Variants in LPIN2 observed in about 807,000 individuals in gnomAD.
LPIN2 encodes phosphatidate phosphatase LPIN2.
LPIN2 carries 55 observed loss-of-function variants against 111.4 expected under a neutral mutation model. That is an observed-to-expected ratio of 0.49 (90% CI 0.40 to 0.62). LPIN2 has a LOEUF of 0.62. Ranked by LOEUF, LPIN2 falls within the 20% of genes least tolerant of loss-of-function variation. The probability of loss-of-function intolerance (pLI) is 0.00; values close to 1 mark genes in which losing one functional copy is unlikely to be tolerated. For synonymous variants in LPIN2, 425 were observed against 414.0 expected (o/e 1.03, Z -0.32); for missense variants, 992 against 1,112.1 (o/e 0.89, Z 1.54).
chr18:2,987,725 T>C (rs2078206745), intron 1 of LPIN2, among the ~76,000 whole-genome samples: 1 of 152,182 alleles, frequency 6.6e-6, no homozygotes, highest in Admixed American at 6.5e-5. Flanking sequence ...AAATTACTCT[T>C]AGTAATTACT....
chr18:3,010,782 T>C (rs537309578), intron 1 of LPIN2, among the ~76,000 whole-genome samples: 1 of 152,312 alleles, frequency 6.6e-6, no homozygotes, highest in East Asian at 1.9e-4. Context: ...ACTGTGCTGA[T>C]ATATATTAGG....
intron 1 of LPIN2, among the ~76,000 whole-genome samples, chr18:3,010,435 G>C (rs1463983691): frequency 6.6e-6 from 1 of 152,094 alleles, no homozygotes; most frequent in African/African-American, 2.4e-5. Context: ...TCATGAAGGA[G>C]GCAAATGGTA....
intron 1 of LPIN2, among the ~76,000 whole-genome samples, chr18:2,988,012 C>CCAAAAAAAA (rs2078211683): frequency 3.1e-5 from 1 of 32,344 alleles, no homozygotes; most frequent in Non-Finnish European, 6.4e-5. Flanking sequence ...GAGACTGTCT[C>CCAAAAAAAA]AAAAAAAAAA....
At chr18:2,967,512 G>C (rs1444502450) in intron 1 of LPIN2, 4 of 152,286 alleles carry the variant, frequency 2.6e-5, no homozygotes, top group Non-Finnish European at 5.9e-5. Flanking sequence ...CAGTCCCCCA[G>C]GGGCTTGCCC....
chr18:2,934,714 A>G (rs768001812), intron 7 of LPIN2, among the ~76,000 whole-genome samples: 3 of 152,162 alleles, frequency 2.0e-5, no homozygotes, highest in Non-Finnish European at 4.4e-5. Context: ...CCCCTAAATA[A>G]TTTATATTTT....
At chr18:2,960,411 C>G (rs1482161823) in intron 2 of LPIN2, among the ~76,000 whole-genome samples, 2 of 151,718 alleles carry the variant, frequency 1.3e-5, no homozygotes, top group African/African-American at 4.8e-5. Context: ...TTCCCTTTCC[C>G]TTGAAGAGAC....
chr18:3,001,417 C>G (rs2078433371), intron 1 of LPIN2, among the ~76,000 whole-genome samples: 1 of 32,738 alleles, frequency 3.1e-5, no homozygotes, highest in Admixed American at 5.3e-4. Context: ...AAAATTTGAA[C>G]TGGCAAAGAA....
chr18:2,917,101 AAG>A lies in LPIN2; in HGVS notation c.*3190_*3191del, dbSNP rs1491318894. The stretch of plus-strand genomic sequence containing the variant: ...TTGCAACAATTGCTTTACTGTAACT[AAG>A]AGTACTGTACTGATGATGTTTACAA... On this transcript the variant is annotated 3_prime_UTR_variant, in exon 20 of 20. Coordinates refer to ENST00000677752, the MANE Select transcript of LPIN2 (RefSeq NM_001375808.2). 1 of 152,256 alleles carries A rather than the reference AAG, an allele frequency of 6.6e-6. No individual in the cohort carries two copies. The highest frequency in any genetic ancestry group is 1.5e-5 in the Non-Finnish European group (1 of 68,048). The allele number at this position is 152,256 out of a possible 1,614,324, so 9.4% of individuals were successfully genotyped here. A position where few individuals can be genotyped will look rare whatever the true frequency, so the allele number is the denominator to read the frequency against.
chr18:2,919,787 G>C lies in LPIN2; in HGVS notation c.*506C>G, dbSNP rs886053757. 3 of 208,724 alleles carry C rather than the reference G, an allele frequency of 1.4e-5. No individual in the cohort carries two copies. In the South Asian group the frequency reaches 2.4e-4, roughly 17 times the overall value. The allele number at this position is 208,724 out of a possible 1,614,324, so 12.9% of individuals were successfully genotyped here. A position where few individuals can be genotyped will look rare whatever the true frequency, so the allele number is the denominator to read the frequency against. ...TGGAGCAGCTGACCCCTTCAGTGTA[G>C]CAGGAAATGAGGCGACCAGAGAAGA... is the stretch of plus-strand genomic sequence containing the variant. On this transcript the variant is annotated 3_prime_UTR_variant, in exon 20 of 20. Transcript: ENST00000677752.
intron 1 of LPIN2, among the ~76,000 whole-genome samples, chr18:2,968,361 T>C (rs2077842737): frequency 6.6e-6 from 1 of 152,220 alleles, no homozygotes; most frequent in Non-Finnish European, 1.5e-5. Context: ...CTGGCCTGTT[T>C]CTGGTACAGT....
At chr18:2,973,034 A>G (rs2077947540) in intron 1 of LPIN2, among the ~76,000 whole-genome samples, 1 of 152,232 alleles carries the variant, frequency 6.6e-6, no homozygotes, top group Admixed American at 6.5e-5. Context: ...TTTATAATTA[A>G]TAATGAAAGA....
intron 7 of LPIN2, among the ~76,000 whole-genome samples, chr18:2,936,682 C>T (rs370785679): frequency 6.6e-6 from 1 of 152,174 alleles, no homozygotes; most frequent in East Asian, 1.9e-4. Context: ...AGGGCTCAAG[C>T]GATCTTCCCA....
chr18:2,937,641 A>C, intron 7 of LPIN2, 51 bp downstream of exon 7: 3 of 1,478,068 alleles, frequency 2.0e-6, no homozygotes, highest in Non-Finnish European at 2.8e-6. Flanking sequence ...CACTGAAATA[A>C]TTTACCATCT....
rs984123338 is a variant in LPIN2, at chr18:2,925,129, G to T, written c.1938+95C>A. 6.8e-7 allele frequency: 1 copy of T among 1,479,848 alleles called. No individual in the cohort carries two copies. The highest frequency in any genetic ancestry group is 9.4e-7 in the Non-Finnish European group (1 of 1,065,816). The allele number at this position is 1,479,848 out of a possible 1,614,324, so 91.7% of individuals were successfully genotyped here. A position where few individuals can be genotyped will look rare whatever the true frequency, so the allele number is the denominator to read the frequency against. On this transcript the variant is annotated intron_variant, in intron 14 of 19. Transcript: ENST00000677752. The surrounding 1 kb of genome is among the most constrained non-coding windows in gnomAD (Gnocchi z 4.1). ...CACGACCATGCCGTGTGGCGTGTAT[G>T]CAGCTGGGGACGTGTGGACAGAAGA...
intron 1 of LPIN2, among the ~76,000 whole-genome samples, chr18:2,979,449 C>T (rs2078073136): frequency 6.6e-6 from 1 of 152,092 alleles, no homozygotes; most frequent in Non-Finnish European, 1.5e-5. Context: ...AAAATTCCGA[C>T]ATATTAGTGG....
At chr18:3,004,215 C>T (rs2078476905) in intron 1 of LPIN2, among the ~76,000 whole-genome samples, 1 of 152,112 alleles carries the variant, frequency 6.6e-6, no homozygotes, top group Non-Finnish European at 1.5e-5. Context: ...TTTGCCTTTG[C>T]CTTGTGATCT....
intron 8 of LPIN2, 24 bp from the exon 9 acceptor site, chr18:2,931,467 G>A: frequency 6.4e-7 from 1 of 1,554,692 alleles, no homozygotes; most frequent in Non-Finnish European, 8.7e-7. Context: ...ATGGGGAAAA[G>A]ATGTGCTTTA....
intron 1 of LPIN2, among the ~76,000 whole-genome samples, chr18:2,995,867 A>T (rs1238369849): frequency 6.6e-6 from 1 of 152,242 alleles, no homozygotes; most frequent in Non-Finnish European, 1.5e-5. Context: ...AGCATAGATG[A>T]AATGTATATG....
intron 8 of LPIN2, among the ~76,000 whole-genome samples, chr18:2,932,722 A>T (rs1047816162): frequency 3.3e-5 from 5 of 152,186 alleles, no homozygotes; most frequent in African/African-American, 1.2e-4. Context: ...GAAGGCATAC[A>T]TGGTGCCCCT....
Sources: gnomAD v4.1 joint callset for allele counts (sites outside exome capture counted in the v4.1 genomes callset) on GRCh38, gnomAD v4.1.1 for gene constraint, Gnocchi (gnomAD v3.1) non-coding constraint, MANE v1.5 for transcripts, NCBI Gene and HGNC (gene_info 2026-07-23, HGNC 2026-07-21) for gene names.